TIMELESS: variants seen among roughly 807,000 people sequenced by gnomAD.
TIMELESS encodes protein timeless homolog.
Under a neutral mutation model 164.3 loss-of-function variants are expected in TIMELESS, and 124 were observed. The ratio of observed to expected loss-of-function variants is 0.75; its 90% CI spans 0.65 to 0.88. TIMELESS has a LOEUF of 0.88. Among genes scored for constraint, TIMELESS ranks in the 40% least tolerant of loss-of-function variants. The pLI, the probability that TIMELESS is intolerant of heterozygous loss-of-function variation, is 0.00. For synonymous variants in TIMELESS, 564 were observed against 563.4 expected (o/e 1.00, Z -0.02); for missense variants, 1,422 against 1,491.4 (o/e 0.95, Z 0.77).
At chr12:56,436,430 G>A (rs148388868) in intron 1 of TIMELESS, among the ~76,000 whole-genome samples, 404 of 152,166 alleles carry the variant, frequency 2.7e-3, no homozygotes, top group African/African-American at 8.9e-3. Flanking sequence ...CTCCAGCCTG[G>A]GCCACAGAGC....
At chr12:56,443,624 C>G (rs1206257220) in intron 1 of TIMELESS, among the ~76,000 whole-genome samples, 2 of 152,046 alleles carry the variant, frequency 1.3e-5, no homozygotes, top group Non-Finnish European at 2.9e-5. Flanking sequence ...CTATTCGTAC[C>G]CCCCTCCCCT....
At position 56,426,705 on chromosome 12, in the gene TIMELESS, G is replaced by A. The variant is rs555516274; in HGVS notation, c.1578+1531C>T. On this transcript the variant is annotated intron_variant, in intron 13 of 28. Transcript: ENST00000553532. ...CTCCCAAGAAGCTGGGATTACAGGTGCGCATGACCATGCCTGGCTAATTTT... is the reference window on the plus strand; with the variant it reads ...CTCCCAAGAAGCTGGGATTACAGGTACGCATGACCATGCCTGGCTAATTTT... 4.6e-5 allele frequency among the ~76,000 whole-genome samples: 7 copies of A among 152,080 alleles called. No individual in the cohort carries two copies. The South Asian group carries it at 1.2e-3, about 27-fold the overall frequency.
Position 56,433,661 on chromosome 12 carries a change from C to T in TIMELESS, c.252-9G>A. The T allele has an allele frequency of 1.2e-6, 2 of 1,614,008 alleles. No homozygotes were observed. The highest frequency in any genetic ancestry group is 1.3e-5 in the African/African-American group (1 of 75,046). On this transcript the variant is annotated splice_polypyrimidine_tract_variant and intron_variant, in intron 3 of 28. Transcript: ENST00000553532. ...TCAAGTTCACCATCAGTCTGGGAGA[C>T]AATGAAGGAGGGAGAAGTTGTTAAG... is the stretch of plus-strand genomic sequence containing the variant.
At chr12:56,424,469 T>C (rs1881606292) in intron 15 of TIMELESS, among the ~76,000 whole-genome samples, 1 of 152,208 alleles carries the variant, frequency 6.6e-6, no homozygotes. Flanking sequence ...CTTAACGTTA[T>C]AAGAAACATG....
chr12:56,422,915 C>A lies in TIMELESS; in HGVS notation c.2370G>T (p.Glu790Asp). The A allele has an allele frequency of 1.2e-6, 2 of 1,613,806 alleles. No homozygotes were observed. The highest frequency in any genetic ancestry group is 1.7e-6 in the Non-Finnish European group (2 of 1,180,014). ...CAGCTGTGTTCTTCCAGAACAACAG[C>A]TCCACAAAGGCTTTTTGGTTGACTG... ...LAAVNQKAFV[E>D]LLFWKNTAVV... The change falls in exon 19 of 29, where the codon GAG (glutamate) becomes GAT (aspartate). Residue 790 changes from glutamate (E) to aspartate (D), a missense_variant. Coordinates refer to ENST00000553532, the MANE Select transcript of TIMELESS (RefSeq NM_003920.5).
chr12:56,439,030 G>C (rs1403091132), intron 1 of TIMELESS, among the ~76,000 whole-genome samples: 2 of 151,534 alleles, frequency 1.3e-5, no homozygotes, highest in African/African-American at 2.4e-5. Flanking sequence ...GCTGGGCATG[G>C]TGGCGGGCGC....
chr12:56,433,967 G>A, intron 2 of TIMELESS, 41 bp from the exon 3 acceptor site: 1 of 1,612,672 alleles, frequency 6.2e-7, no homozygotes, highest in Non-Finnish European at 8.5e-7. Context: ...AACCTTGGAA[G>A]AAGCTCCATC....
intron 15 of TIMELESS, among the ~76,000 whole-genome samples, chr12:56,424,245 T>C (rs773987584): frequency 3.9e-5 from 6 of 152,224 alleles, no homozygotes; most frequent in African/African-American, 9.6e-5. Flanking sequence ...TAAATCAGCA[T>C]GTACAGTATT....
chr12:56,445,076 T>C (rs553963177), intron 1 of TIMELESS, among the ~76,000 whole-genome samples: 2 of 152,092 alleles, frequency 1.3e-5, no homozygotes, highest in East Asian at 3.9e-4. Flanking sequence ...ACTTTGGCTC[T>C]CTCAAGGACT....
chr12:56,421,728 A>G lies in TIMELESS; in HGVS notation c.2724T>C (p.Asp908=), dbSNP rs1394062773. Residue 908 remains aspartate, a splice_region_variant and synonymous_variant, in exon 22 of 29, where the codon GAT becomes GAC. Transcript: ENST00000553532. ...CCCCTGAGTTTCCAGCTTACTCACC[A>G]TCTGAGTCCCGGAATTCCTCAAAAA... is the stretch of plus-strand genomic sequence containing the variant. The part of the protein sequence containing the change: ...QRLFEEFRDS[D]DVLGHIMKNI... 2 of 1,614,084 alleles carry G rather than the reference A, an allele frequency of 1.2e-6. No homozygotes were observed. Among genetic ancestry groups the G allele is most frequent in the East Asian group, 2.2e-5 (1 of 44,884 alleles).
At chr12:56,429,225 GTC>G in intron 10 of TIMELESS, 125 bp from the exon 11 acceptor site, 1 of 805,800 alleles carries the variant, frequency 1.2e-6, no homozygotes, top group Non-Finnish European at 1.9e-6. Context: ...TTGAGGCGGA[GTC>G]TCACTCTATT....
chr12:56,443,169 G>C (rs1035777786), intron 1 of TIMELESS, among the ~76,000 whole-genome samples: 4 of 152,152 alleles, frequency 2.6e-5, no homozygotes, highest in East Asian at 1.9e-4. Context: ...AGGCAGAATA[G>C]AGCCATAGTT....
At chr12:56,422,221 T>C in intron 19 of TIMELESS, 30 bp from the exon 20 acceptor site, 2 of 1,607,328 alleles carry the variant, frequency 1.2e-6, no homozygotes, top group Non-Finnish European at 1.7e-6. Context: ...AGGGAGCATA[T>C]AGGTTCTTGG....
At chr12:56,428,749 C>G in intron 11 of TIMELESS, 97 bp from the exon 12 acceptor site, 1 of 1,465,086 alleles carries the variant, frequency 6.8e-7, no homozygotes, top group Admixed American at 1.9e-5. Context: ...AATGTGCCAC[C>G]CAAACTAAAT....
At chr12:56,425,901 TA>T (rs1044337668) in intron 13 of TIMELESS, among the ~76,000 whole-genome samples, 1 of 151,178 alleles carries the variant, frequency 6.6e-6, no homozygotes. Flanking sequence ...AATAAATAAT[TA>T]AAAAAAAGAA....
At chr12:56,435,032 T>C (rs1433578849) in intron 1 of TIMELESS, among the ~76,000 whole-genome samples, 1 of 152,058 alleles carries the variant, frequency 6.6e-6, no homozygotes, top group Non-Finnish European at 1.5e-5. Context: ...ACAGAGTCTC[T>C]GGAAAAAATA....
intron 1 of TIMELESS, among the ~76,000 whole-genome samples, chr12:56,438,381 G>A (rs930864535): frequency 6.6e-6 from 1 of 152,038 alleles, no homozygotes; most frequent in Non-Finnish European, 1.5e-5. Flanking sequence ...GGTAGAGACA[G>A]GGTTTCACCA....
At chr12:56,431,019 A>G in intron 8 of TIMELESS, 51 bp from the exon 9 acceptor site, 1 of 1,286,918 alleles carries the variant, frequency 7.8e-7, no homozygotes. Context: ...TGGAAACTTT[A>G]TCTCCATTCT....
intron 26 of TIMELESS, among the ~76,000 whole-genome samples, chr12:56,420,006 CA>C (rs57647901): frequency 1.8e-3 from 24 of 13,274 alleles, no homozygotes; most frequent in African/African-American, 5.5e-3. Flanking sequence ...GACTCTGTCT[CA>C]AAAAAAAAAA....
Sources: gnomAD v4.1 joint callset for allele counts (sites outside exome capture counted in the v4.1 genomes callset) on GRCh38, gnomAD v4.1.1 for gene constraint, MANE v1.5 for transcripts, NCBI Gene and HGNC (gene_info 2026-07-23, HGNC 2026-07-21) for gene names.